The following CLK4 variants were observed in gnomAD, a reference collection of about 807,000 sequenced individuals.
CLK4 encodes dual specificity protein kinase CLK4.
In CLK4, 37 loss-of-function variants were observed where a neutral mutation model predicts 64.4. The observed-to-expected ratio is 0.57, with a 90% CI of 0.44 to 0.76. The LOEUF (loss-of-function observed/expected upper bound fraction) is 0.76, where lower values mean the gene tolerates loss of function less well. Among genes scored for constraint, CLK4 ranks in the 30% least tolerant of loss-of-function variants. CLK4 has a pLI of 0.00. For synonymous variants in CLK4, 175 were observed against 191.6 expected (o/e 0.91, Z 0.72); for missense variants, 457 against 605.1 (o/e 0.76, Z 2.57).
chr5:178,623,321 T>A lies in CLK4; in HGVS notation c.96A>T (p.Arg32Ser), dbSNP rs766132043. Residue 32 changes from arginine (R) to serine (S), a missense_variant, in exon 2 of 13, where the codon AGA becomes AGT. Arg to Ser is a moderately radical substitution (Grantham distance 110, BLOSUM62 -1). Coordinates refer to ENST00000316308, the MANE Select transcript of CLK4 (RefSeq NM_020666.3). ...TGTTCTCTTGTGTGCTACTATGAGA[T>A]CTCCTCTTCCGCTTGTGACTTCCAC... ...SYRGSHKRKR[R>S]SHSSTQENRH... The A allele has an allele frequency of 6.2e-7, 1 of 1,614,056 alleles. No homozygotes were observed. The highest frequency in any genetic ancestry group is 8.5e-7 in the Non-Finnish European group (1 of 1,179,964).
At chr5:178,624,975 G>A (rs1764758881) in intron 1 of CLK4, among the ~76,000 whole-genome samples, 1 of 152,128 alleles carries the variant, frequency 6.6e-6, no homozygotes, top group African/African-American at 2.4e-5. Flanking sequence ...CTTCTAAGGT[G>A]GCTCTCAGCT....
chr5:178,626,377 C>A (rs1002582601), intron 1 of CLK4, among the ~76,000 whole-genome samples: 2 of 152,346 alleles, frequency 1.3e-5, no homozygotes, highest in Admixed American at 1.3e-4. Flanking sequence ...GGACTAGCCT[C>A]CGCAAATTTC....
chr5:178,617,115 G>T lies in CLK4; in HGVS notation c.476-167C>A. ...GTTTCAGCTGCTACAAAAACAATTA[G>T]ATAGAGCTATCTTTCTTGCTCTAAT... On this transcript the variant is annotated intron_variant, in intron 4 of 12. Transcript: ENST00000316308. The surrounding 1 kb of genome is among the most constrained non-coding windows in gnomAD (Gnocchi z 5.2). 1 of 647,258 alleles carries T rather than the reference G, an allele frequency of 1.5e-6. No homozygotes were observed. The highest frequency in any genetic ancestry group is 2.7e-6 in the Non-Finnish European group (1 of 366,774). The allele number at this position is 647,258 out of a possible 1,614,324, so 40.1% of individuals were successfully genotyped here. A position where few individuals can be genotyped will look rare whatever the true frequency, so the allele number is the denominator to read the frequency against.
chr5:178,624,069 CTTT>C (rs1297671726), intron 1 of CLK4, among the ~76,000 whole-genome samples: 7 of 152,198 alleles, frequency 4.6e-5, no homozygotes, highest in African/African-American at 1.7e-4. Flanking sequence ...GATGAAGCTT[CTTT>C]TTCTCAAATT....
chr5:178,620,534 TG>T, intron 2 of CLK4: 6 of 393,026 alleles, frequency 1.5e-5, no homozygotes, highest in Non-Finnish European at 2.6e-5. Context: ...ACACAGGCTA[TG>T]GACAGGGTAG....
chr5:178,624,642 T>C (rs1764754585), intron 1 of CLK4, among the ~76,000 whole-genome samples: 4 of 152,314 alleles, frequency 2.6e-5, no homozygotes, highest in Middle Eastern at 3.4e-3. Context: ...CAGGTCCAAA[T>C]TCTCCTAAAC....
At chr5:178,612,739 T>C in intron 8 of CLK4, 57 bp downstream of exon 8, 1 of 1,134,170 alleles carries the variant, frequency 8.8e-7, no homozygotes, top group Non-Finnish European at 1.3e-6. Flanking sequence ...CCAAAGATCA[T>C]CAAGTTAAAT....
intron 1 of CLK4, among the ~76,000 whole-genome samples, chr5:178,624,294 GTC>G (rs1764750148): frequency 6.6e-6 from 1 of 152,186 alleles, no homozygotes; most frequent in Non-Finnish European, 1.5e-5. Flanking sequence ...TAGTGAAACT[GTC>G]TCTACAAAAA....
intron 1 of CLK4, among the ~76,000 whole-genome samples, chr5:178,624,068 T>G (rs528512813): frequency 1.1e-4 from 16 of 152,360 alleles, no homozygotes; most frequent in African/African-American, 2.9e-4. Context: ...TGATGAAGCT[T>G]CTTTTTCTCA....
chr5:178,626,705 C>G (rs1045884938), intron 1 of CLK4, among the ~76,000 whole-genome samples: 3 of 140,452 alleles, frequency 2.1e-5, no homozygotes, highest in African/African-American at 9.0e-5. Flanking sequence ...GACCGCGAGC[C>G]CACGGCCTCC....
chr5:178,613,190 A>AC (rs1204546092), intron 7 of CLK4, among the ~76,000 whole-genome samples: 1 of 152,164 alleles, frequency 6.6e-6, no homozygotes, highest in Admixed American at 6.5e-5. Context: ...TGGGAGGCCG[A>AC]GGGGGGCAAT....
chr5:178,610,516 C>A (rs1022327193), intron 9 of CLK4, among the ~76,000 whole-genome samples: 1 of 152,098 alleles, frequency 6.6e-6, no homozygotes, highest in African/African-American at 2.4e-5. Flanking sequence ...AACAAAGGAC[C>A]TTTCTATTCT....
chr5:178,625,242 G>C (rs1764762266), intron 1 of CLK4, among the ~76,000 whole-genome samples: 1 of 152,028 alleles, frequency 6.6e-6, no homozygotes, highest in African/African-American at 2.4e-5. Flanking sequence ...TTCGAGACTG[G>C]CCTGGGCAAC....
chr5:178,616,803 T>C, intron 5 of CLK4, 79 bp downstream of exon 5: 1 of 1,106,006 alleles, frequency 9.0e-7, no homozygotes, highest in Non-Finnish European at 1.4e-6. Context: ...AATAAATAAA[T>C]AAATAAAATT....
rs183249872 is a variant in CLK4, at chr5:178,609,652, T to C, written c.1052-1194A>G. Among the ~76,000 whole-genome samples, 228 of 149,180 alleles carry C rather than the reference T, an allele frequency of 1.5e-3. 2 individuals are homozygous for C. Among genetic ancestry groups the C allele is most frequent in the Admixed American group, 9.0e-3 (135 of 15,004 alleles). ...AAGCTGAGATTGCGCCACTGCACTC[T>C]AGCCTGGGCAATAAAAGCAAAACTC... On this transcript the variant is annotated intron_variant, in intron 9 of 12. Transcript: ENST00000316308.
At chr5:178,608,210 A>T (rs563868258) in intron 10 of CLK4, among the ~76,000 whole-genome samples, 166 bp downstream of exon 10, 4 of 152,366 alleles carry the variant, frequency 2.6e-5, no homozygotes, top group Admixed American at 2.6e-4. Flanking sequence ...CACTCATAGT[A>T]ATATTTCATT....
intron 10 of CLK4, among the ~76,000 whole-genome samples, chr5:178,606,804 C>CA (rs1475562037): frequency 6.6e-6 from 1 of 151,706 alleles, no homozygotes; most frequent in East Asian, 1.9e-4. Flanking sequence ...ACTAAAAATA[C>CA]AAAAAATTAG....
intron 11 of CLK4, chr5:178,604,622 C>T (rs1264635309): frequency 1.3e-5 from 2 of 151,928 alleles, no homozygotes; most frequent in African/African-American, 2.4e-5. Context: ...TCATAAGGAA[C>T]CTTCATGCAA....
At chr5:178,623,470 A>AATTATTATATATTAATATTATTTAAGTT (rs2113815778) in intron 1 of CLK4, 54 bp from the exon 2 acceptor site, 1 of 1,390,644 alleles carries the variant, frequency 7.2e-7, no homozygotes, top group South Asian at 1.6e-5. Context: ...GTGATAGGTA[A>AATTATTATATATTAATATTATTTAAGTT]ATTATTATAT....
Sources: gnomAD v4.1 joint callset for allele counts (sites outside exome capture counted in the v4.1 genomes callset) on GRCh38, gnomAD v4.1.1 for gene constraint, Gnocchi (gnomAD v3.1) non-coding constraint, MANE v1.5 for transcripts, NCBI Gene and HGNC (gene_info 2026-07-23, HGNC 2026-07-21) for gene names.